VOPP1: variants seen among roughly 807,000 people sequenced by gnomAD.
VOPP1 encodes the protein WW domain binding protein VOPP1.
In VOPP1, 8 loss-of-function variants were observed where a neutral mutation model predicts 23.5. The observed-to-expected ratio is 0.34, with a 90% CI of 0.20 to 0.61. The LOEUF (loss-of-function observed/expected upper bound fraction) is 0.61. Among genes scored for constraint, VOPP1 ranks in the 20% least tolerant of loss-of-function variants. The pLI is 0.78. For synonymous variants in VOPP1, 83 were observed against 97.3 expected (o/e 0.85, Z 0.86); for missense variants, 174 against 238.1 (o/e 0.73, Z 1.77).
In VOPP1 at chr7:55,471,561, T is replaced by C. The variant is rs1791819982; in HGVS notation, c.*1294A>G. On this transcript the variant is annotated 3_prime_UTR_variant, in exon 5 of 5. Transcript: ENST00000285279. Reference sequence around the variant, plus strand: ...CGCCTCAGCTAAGCTGCATAGCTCTTAGCACACAGGACAGGTCAGCGTTCA... The same window carrying C: ...CGCCTCAGCTAAGCTGCATAGCTCTCAGCACACAGGACAGGTCAGCGTTCA... 6.6e-6 allele frequency: 1 copy of C among 150,668 alleles called. No homozygotes were observed. Among genetic ancestry groups the C allele is most frequent in the Non-Finnish European group, 1.5e-5 (1 of 67,284 alleles). The allele number at this position is 150,668 out of a possible 1,614,324, so 9.3% of individuals were successfully genotyped here. A position where few individuals can be genotyped will look rare whatever the true frequency, so the allele number is the denominator to read the frequency against.
intron 1 of VOPP1, chr7:55,552,622 C>G (rs919139155): frequency 3.3e-6 from 5 of 1,535,974 alleles, no homozygotes; most frequent in Non-Finnish European, 4.4e-6. Context: ...GGAACCAGGT[C>G]TGTGTGGCTC....
chr7:55,563,558 C>T (rs1798056515), intron 1 of VOPP1, among the ~76,000 whole-genome samples: 1 of 152,170 alleles, frequency 6.6e-6, no homozygotes, highest in Admixed American at 6.5e-5. Context: ...GATTTTGGAA[C>T]ATTTGCATAT....
At chr7:55,543,465 C>T (rs1248684505) in intron 1 of VOPP1, among the ~76,000 whole-genome samples, 1 of 152,176 alleles carries the variant, frequency 6.6e-6, no homozygotes, top group Non-Finnish European at 1.5e-5. Flanking sequence ...TAAGGTAGTT[C>T]CATATTCTTA....
At chr7:55,500,712 G>A (rs949452785) in intron 2 of VOPP1, among the ~76,000 whole-genome samples, 3 of 152,202 alleles carry the variant, frequency 2.0e-5, no homozygotes, top group Non-Finnish European at 2.9e-5. Flanking sequence ...CTTCACAAAC[G>A]TCTTGTTAAT....
intron 2 of VOPP1, among the ~76,000 whole-genome samples, chr7:55,519,212 T>C (rs1795678371): frequency 6.6e-6 from 1 of 152,140 alleles, no homozygotes; most frequent in Non-Finnish European, 1.5e-5. Context: ...TGGATCCTTC[T>C]CCCCACCATT....
chr7:55,538,116 G>C (rs1249506252), intron 1 of VOPP1, among the ~76,000 whole-genome samples: 1 of 152,200 alleles, frequency 6.6e-6, no homozygotes, highest in African/African-American at 2.4e-5. Context: ...CAGCTGAACT[G>C]GTGGAAAACT....
intron 4 of VOPP1, among the ~76,000 whole-genome samples, chr7:55,462,655 ATT>A (rs1191796338): frequency 5.7e-5 from 7 of 122,594 alleles, no homozygotes; most frequent in Non-Finnish European, 5.1e-5. Flanking sequence ...TCTTGATTAT[ATT>A]TTTTTTTTTT....
intron 3 of VOPP1, among the ~76,000 whole-genome samples, chr7:55,496,655 C>T (rs1301671862): frequency 1.3e-5 from 2 of 152,202 alleles, no homozygotes; most frequent in African/African-American, 4.8e-5. Flanking sequence ...TCACCCAACA[C>T]GTGGAGTCCC....
intron 1 of VOPP1, among the ~76,000 whole-genome samples, chr7:55,561,527 G>A (rs1797985246): frequency 6.6e-6 from 1 of 151,842 alleles, no homozygotes. Context: ...TAGCCAATAT[G>A]GTGAAACCCC....
chr7:55,506,072 G>T (rs1181129870), intron 2 of VOPP1, among the ~76,000 whole-genome samples: 1 of 152,138 alleles, frequency 6.6e-6, no homozygotes, highest in African/African-American at 2.4e-5. Flanking sequence ...GCCTTCGAGA[G>T]GTCCCCATTG....
chr7:55,528,611 G>A (rs1425845090), intron 1 of VOPP1, among the ~76,000 whole-genome samples: 3 of 152,114 alleles, frequency 2.0e-5, no homozygotes, highest in South Asian at 2.1e-4. Context: ...ACTTGAACCC[G>A]GGAGGCGGAG....
chr7:55,518,148 C>T (rs1795591896), intron 2 of VOPP1, among the ~76,000 whole-genome samples: 1 of 152,180 alleles, frequency 6.6e-6, no homozygotes, highest in African/African-American at 2.4e-5. Flanking sequence ...GTGCCTCAAA[C>T]CTGGCAGGTC....
At chr7:55,511,469 T>G (rs1795066313) in intron 2 of VOPP1, among the ~76,000 whole-genome samples, 1 of 152,250 alleles carries the variant, frequency 6.6e-6, no homozygotes, top group Admixed American at 6.5e-5. Flanking sequence ...AGTGAATTAT[T>G]AAAAATTTGT....
intron 1 of VOPP1, among the ~76,000 whole-genome samples, chr7:55,531,519 T>C (rs1796498185): frequency 6.6e-6 from 1 of 151,942 alleles, no homozygotes; most frequent in Admixed American, 6.6e-5. Flanking sequence ...CCAACTAATT[T>C]TTTTGTATTT....
At chr7:55,446,833 T>G (rs773721994) in intron 4 of VOPP1, among the ~76,000 whole-genome samples, 2 of 152,202 alleles carry the variant, frequency 1.3e-5, no homozygotes, top group Non-Finnish European at 2.9e-5. Context: ...ATAAGGAGGT[T>G]AGTAACAAAA....
At chr7:55,556,892 C>T (rs1797828458) in intron 1 of VOPP1, among the ~76,000 whole-genome samples, 1 of 152,116 alleles carries the variant, frequency 6.6e-6, no homozygotes, top group Non-Finnish European at 1.5e-5. Flanking sequence ...GACTATTACA[C>T]CCTCTGTTAA....
At chr7:55,442,759 G>T (rs560184865) in intron 4 of VOPP1, among the ~76,000 whole-genome samples, 5 of 152,138 alleles carry the variant, frequency 3.3e-5, no homozygotes, top group Non-Finnish European at 7.4e-5. Flanking sequence ...CATGAGGATG[G>T]ATGCAAGAGG....
chr7:55,468,995 T>C (rs1293498808), downstream of VOPP1, among the ~76,000 whole-genome samples: 1 of 152,224 alleles, frequency 6.6e-6, no homozygotes, highest in African/African-American at 2.4e-5. Context: ...TCAGAAAAGG[T>C]ACACTAGTTT....
chr7:55,531,398 G>C (rs1796490092), intron 1 of VOPP1, among the ~76,000 whole-genome samples: 1 of 142,574 alleles, frequency 7.0e-6, no homozygotes, highest in Non-Finnish European at 1.5e-5. Context: ...CGCCCATGCT[G>C]GAGTGCAGTG....
Sources: gnomAD v4.1 joint callset for allele counts (sites outside exome capture counted in the v4.1 genomes callset) on GRCh38, gnomAD v4.1.1 for gene constraint, MANE v1.5 for transcripts, NCBI Gene and HGNC (gene_info 2026-07-23, HGNC 2026-07-21) for gene names.